PLD5: variants seen among roughly 807,000 people sequenced by gnomAD.
PLD5 encodes inactive phospholipase D5.
Under a neutral mutation model 61.1 loss-of-function variants are expected in PLD5, and 36 were observed. The ratio of observed to expected loss-of-function variants is 0.59; its 90% CI spans 0.45 to 0.78. PLD5 has a LOEUF of 0.78. PLD5 is among the 30% of genes least tolerant of loss of function. The pLI, the probability that PLD5 is intolerant of heterozygous loss-of-function variation, is 0.00. For synonymous variants in PLD5, 243 were observed against 242.8 expected (o/e 1.00, Z -0.01); for missense variants, 515 against 644.4 (o/e 0.80, Z 2.17).
intron 5 of PLD5, among the ~76,000 whole-genome samples, chr1:242,197,564 C>T (rs889104008): frequency 6.6e-5 from 10 of 152,114 alleles, no homozygotes; most frequent in Non-Finnish European, 1.2e-4. Flanking sequence ...ATCCTTCCAG[C>T]TTCAGCTCAG....
At chr1:242,401,837 G>A (rs1263329611) in intron 1 of PLD5, among the ~76,000 whole-genome samples, 1 of 152,204 alleles carries the variant, frequency 6.6e-6, no homozygotes, top group African/African-American at 2.4e-5. Context: ...CCTGCTGGTA[G>A]AGGCCTTGAG....
At chr1:242,162,095 G>A (rs947091876) in intron 5 of PLD5, among the ~76,000 whole-genome samples, 2 of 152,126 alleles carry the variant, frequency 1.3e-5, no homozygotes, top group Non-Finnish European at 2.9e-5. Context: ...GAGTCAAGAA[G>A]TTGACATTTA....
chr1:242,223,127 AGAGG>A (rs1366189145), intron 4 of PLD5, among the ~76,000 whole-genome samples: 1 of 152,176 alleles, frequency 6.6e-6, no homozygotes, highest in Non-Finnish European at 1.5e-5. Flanking sequence ...TCTGGTTCAC[AGAGG>A]GTGCCTCCTC....
chr1:242,215,705 A>C (rs1400692044), intron 5 of PLD5, among the ~76,000 whole-genome samples: 1 of 152,158 alleles, frequency 6.6e-6, no homozygotes, highest in Admixed American at 6.5e-5. Flanking sequence ...AATGAAGAAA[A>C]TAACCCTACA....
At chr1:242,185,168 G>C (rs1032770580) in intron 5 of PLD5, among the ~76,000 whole-genome samples, 4 of 152,114 alleles carry the variant, frequency 2.6e-5, no homozygotes, top group African/African-American at 9.7e-5. Flanking sequence ...AAATAAATGA[G>C]GCTGTCTCCC....
In PLD5 at chr1:242,288,547, A is replaced by G. The variant is rs764903362; in HGVS notation, c.327-17T>C. 3 of 1,592,816 alleles carry G rather than the reference A, an allele frequency of 1.9e-6. No individual in the cohort carries two copies. In the Admixed American group the frequency reaches 5.5e-5, roughly 29 times the overall value. ...AGGGCAATTCTTAGAAAAGATTTTG[A>G]AAAACAAACAAACAAAATCTAGTCA... On this transcript the variant is annotated splice_polypyrimidine_tract_variant and intron_variant, in intron 2 of 9. Coordinates refer to ENST00000536534, the MANE Select transcript of PLD5 (RefSeq NM_001372062.1).
intron 5 of PLD5, among the ~76,000 whole-genome samples, chr1:242,166,635 C>T (rs765127965): frequency 6.4e-4 from 97 of 152,180 alleles, no homozygotes; most frequent in Non-Finnish European, 1.1e-3. Context: ...GTGATTTTTC[C>T]ACCTCTTTAG....
intron 2 of PLD5, among the ~76,000 whole-genome samples, chr1:242,294,767 A>AT (rs1218887319): frequency 1.3e-5 from 2 of 152,202 alleles, no homozygotes; most frequent in Non-Finnish European, 2.9e-5. Context: ...AATGAAAGAC[A>AT]TTTTTTAAAG....
rs754813985 is a variant in PLD5 at position 242,086,152 on chromosome 1, A to C, written c.*3702T>G. ...TTTCAAAGGGTGAGATCAACCAAAA[A>C]TGTGATCAGACCCCTCTCACCAAGA... is the stretch of plus-strand genomic sequence containing the variant. On this transcript the variant is annotated 3_prime_UTR_variant, in exon 10 of 10. Transcript: ENST00000536534. 6.6e-6 allele frequency: 1 copy of C among 152,218 alleles called. No homozygotes were observed. The highest frequency in any genetic ancestry group is 1.5e-5 in the Non-Finnish European group (1 of 68,048). 9.4% of individuals were successfully genotyped at this position (152,218 alleles called of 1,614,324 possible).
intron 3 of PLD5, among the ~76,000 whole-genome samples, chr1:242,271,201 CAGAGAGAGAGAGAG>C (rs60075638): frequency 0.025 from 2,501 of 101,928 alleles, 98 homozygotes; most frequent in South Asian, 0.029. Context: ...CACACACACA[CAGAGAGAGAGAGAG>C]AGAGAGAGAG....
At chr1:242,377,233 C>A (rs1461421074) in intron 1 of PLD5, 1 of 1,611,148 alleles carries the variant, frequency 6.2e-7, no homozygotes, top group Non-Finnish European at 8.5e-7. Context: ...GAAGAACCAT[C>A]CGATTTGTGC....
At chr1:242,380,717 A>AG (rs1662228843) in intron 1 of PLD5, among the ~76,000 whole-genome samples, 1 of 152,198 alleles carries the variant, frequency 6.6e-6, no homozygotes, top group African/African-American at 2.4e-5. Flanking sequence ...AGAAAAAAAA[A>AG]CAACTCCATT....
intron 5 of PLD5, among the ~76,000 whole-genome samples, chr1:242,129,899 T>C (rs1663097548): frequency 6.6e-6 from 1 of 152,166 alleles, no homozygotes; most frequent in African/African-American, 2.4e-5. Flanking sequence ...TGGTGCTTGA[T>C]TTTGCATTTC....
intron 3 of PLD5, among the ~76,000 whole-genome samples, chr1:242,286,487 G>A (rs559565262): frequency 1.1e-4 from 16 of 152,198 alleles, no homozygotes; most frequent in East Asian, 5.8e-4. Context: ...CACCAGAGAC[G>A]GGAAACTGGG....
chr1:242,114,108 C>T, intron 6 of PLD5, 82 bp from the exon 7 acceptor site: 1 of 1,479,064 alleles, frequency 6.8e-7, no homozygotes, highest in Admixed American at 2.1e-5. Context: ...TTTCCACGGA[C>T]CTTGGCTTGT....
At chr1:242,461,122 C>A (rs930077053) in intron 1 of PLD5, among the ~76,000 whole-genome samples, 11 of 152,298 alleles carry the variant, frequency 7.2e-5, no homozygotes, top group African/African-American at 2.6e-4. Flanking sequence ...GCCTGGGTGA[C>A]AGAGGGAGAC....
Position 242,316,167 on chromosome 1 carries a change from T to C in PLD5, c.327-27637A>G, listed in dbSNP as rs535710047. The stretch of plus-strand genomic sequence containing the variant: ...CACAGTGCTTAGCACATGGTGATTA[T>C]GTAATAAATGCCAGTTGTCATTAGT... On this transcript the variant is annotated intron_variant, in intron 2 of 9. Coordinates refer to ENST00000536534, the MANE Select transcript of PLD5 (RefSeq NM_001372062.1). Among the ~76,000 whole-genome samples the C allele has an allele frequency of 2.0e-5, 3 of 152,376 alleles. No homozygotes were observed. The South Asian group carries it at 6.2e-4, about 32-fold the overall frequency.
intron 2 of PLD5, among the ~76,000 whole-genome samples, chr1:242,328,764 A>G (rs1462261112): frequency 6.6e-6 from 1 of 152,212 alleles, no homozygotes; most frequent in Non-Finnish European, 1.5e-5. Flanking sequence ...TACAAAGCCA[A>G]AGATACCAAT....
chr1:242,179,901 TCAAAA>T (rs1333180292), intron 5 of PLD5, among the ~76,000 whole-genome samples: 1 of 141,394 alleles, frequency 7.1e-6, no homozygotes, highest in Non-Finnish European at 1.5e-5. Flanking sequence ...AGACTCTGTC[TCAAAA>T]CAAAACCAAA....
Sources: gnomAD v4.1 joint callset for allele counts (sites outside exome capture counted in the v4.1 genomes callset) on GRCh38, gnomAD v4.1.1 for gene constraint, MANE v1.5 for transcripts, NCBI Gene and HGNC (gene_info 2026-07-23, HGNC 2026-07-21) for gene names.